The following KAZN variants were observed in gnomAD, a reference collection of about 807,000 sequenced individuals.
KAZN encodes the protein kazrin, periplakin interacting protein.
A neutral mutation model predicts 87.4 loss-of-function variants in KAZN; 40 were observed. The observed-to-expected ratio is 0.46, with a 90% CI of 0.36 to 0.60. KAZN has a LOEUF of 0.60. Ranked by LOEUF, KAZN falls within the 20% of genes least tolerant of loss-of-function variation. The pLI is 0.00. For synonymous variants in KAZN, 466 were observed against 458.3 expected (o/e 1.02, Z -0.22); for missense variants, 898 against 1,073.9 (o/e 0.84, Z 2.29).
intron 2 of KAZN, among the ~76,000 whole-genome samples, chr1:14,582,851 G>T (rs573142394): frequency 3.3e-5 from 5 of 152,102 alleles, no homozygotes; most frequent in Non-Finnish European, 7.4e-5. Flanking sequence ...TCAAAAACAC[G>T]CTCTTAAAGG....
At chr1:14,283,958 G>GGAA (rs199784144) in intron 2 of KAZN, among the ~76,000 whole-genome samples, 2 of 152,108 alleles carry the variant, frequency 1.3e-5, no homozygotes, top group East Asian at 3.9e-4. Flanking sequence ...CCTACAATGT[G>GGAA]GATGAGCCTC....
At chr1:15,050,165 GAATAGAATAGAATAGAATAGAATAGA>G (rs1674209957) in intron 4 of KAZN, among the ~76,000 whole-genome samples, 2 of 53,722 alleles carry the variant, frequency 3.7e-5, no homozygotes, top group Non-Finnish European at 7.9e-5. Context: ...GAATGGAATA[GAATAGAATAGAATAGAATAGAATAGA>G]ATAGAATAGA....
chr1:14,067,524 G>A (rs779639062), intron 1 of KAZN, among the ~76,000 whole-genome samples: 1 of 152,178 alleles, frequency 6.6e-6, no homozygotes, highest in Non-Finnish European at 1.5e-5. Context: ...CTAGACTGTG[G>A]GGAGGATGGG....
intron 2 of KAZN, among the ~76,000 whole-genome samples, chr1:14,543,569 A>T (rs1377479394): frequency 6.6e-6 from 1 of 152,208 alleles, no homozygotes. Flanking sequence ...CCTTCTTCAG[A>T]TGGAGGGGTC....
rs550146026 is a variant in KAZN at position 15,094,619 on chromosome 1, G to A, written c.1429-196G>A. Among the ~76,000 whole-genome samples, 4 of 152,298 alleles carry A rather than the reference G, an allele frequency of 2.6e-5. No homozygotes were observed. In the East Asian group the frequency reaches 7.7e-4, roughly 29 times the overall value. Reference sequence around the variant, plus strand: ...ACCCAGGTTTCCTTTACCTGCCTAAGGGAAAGGGCTCCCTCTGCCTGAACA... The same window carrying A: ...ACCCAGGTTTCCTTTACCTGCCTAAAGGAAAGGGCTCCCTCTGCCTGAACA... On this transcript the variant is annotated intron_variant, in intron 9 of 14. Coordinates refer to ENST00000376030, the MANE Select transcript of KAZN (RefSeq NM_201628.3). The surrounding 1 kb of genome is among the most constrained non-coding windows in gnomAD (Gnocchi z 4.5).
At chr1:15,113,529 A>C (rs1296962241) in intron 14 of KAZN, 1 of 152,252 alleles carries the variant, frequency 6.6e-6, no homozygotes, top group Non-Finnish European at 1.5e-5. Flanking sequence ...TGACTACTTT[A>C]ACACAGAGAT....
intron 2 of KAZN, among the ~76,000 whole-genome samples, chr1:14,489,268 A>G (rs200126239): frequency 9.0e-6 from 1 of 111,030 alleles, no homozygotes; most frequent in African/African-American, 3.3e-5. Context: ...GGGACTCTAT[A>G]TATCTATTAT....
intron 2 of KAZN, among the ~76,000 whole-genome samples, chr1:14,523,263 C>T (rs1356640874): frequency 6.6e-6 from 1 of 152,182 alleles, no homozygotes; most frequent in Admixed American, 6.5e-5. Context: ...GGGCAATAAA[C>T]TTTTCTTCAA....
chr1:14,935,490 G>A (rs955171802), intron 1 of KAZN, among the ~76,000 whole-genome samples: 6 of 148,714 alleles, frequency 4.0e-5, no homozygotes, highest in Non-Finnish European at 7.4e-5. Context: ...AGCAGTGCCC[G>A]AGAACATATT....
intron 2 of KAZN, among the ~76,000 whole-genome samples, chr1:15,032,350 G>C (rs4661312): frequency 4.0e-5 from 6 of 151,354 alleles, no homozygotes; most frequent in Admixed American, 6.6e-5. Context: ...CTGCCACTAC[G>C]CCCGGCTAAC....
At chr1:14,270,184 T>A (rs747512147) in intron 2 of KAZN, among the ~76,000 whole-genome samples, 1 of 152,198 alleles carries the variant, frequency 6.6e-6, no homozygotes, top group Non-Finnish European at 1.5e-5. Flanking sequence ...TGGACTAGCT[T>A]GAAGCATGTG....
chr1:15,036,130 C>T (rs189187300), intron 3 of KAZN, among the ~76,000 whole-genome samples: 5,956 of 152,118 alleles, frequency 0.039, 176 homozygotes, highest in Non-Finnish European at 0.058. Context: ...CTGGGCCAGG[C>T]CACCACAGCC....
intron 1 of KAZN, among the ~76,000 whole-genome samples, chr1:14,814,903 T>C (rs1646518735): frequency 1.3e-5 from 2 of 152,200 alleles, no homozygotes; most frequent in South Asian, 4.1e-4. Context: ...ATGCTGGAGA[T>C]GATTAATAAT....
intron 1 of KAZN, among the ~76,000 whole-genome samples, chr1:14,175,522 G>A (rs1326022318): frequency 6.6e-6 from 1 of 152,202 alleles, no homozygotes; most frequent in Admixed American, 6.5e-5. Flanking sequence ...TTAGAACAAA[G>A]CGAAACTTAG....
intron 2 of KAZN, among the ~76,000 whole-genome samples, chr1:14,467,250 A>C (rs994439230): frequency 6.6e-6 from 1 of 152,058 alleles, no homozygotes; most frequent in Non-Finnish European, 1.5e-5. Flanking sequence ...ATTTAGCATT[A>C]ATTTGAATTA....
chr1:14,993,062 A>G (rs975579387), intron 2 of KAZN, among the ~76,000 whole-genome samples: 1 of 151,318 alleles, frequency 6.6e-6, no homozygotes, highest in African/African-American at 2.4e-5. Flanking sequence ...CCTAGCCTCA[A>G]GCAATTTGCC....
At chr1:15,019,980 G>A (rs567085516) in intron 2 of KAZN, among the ~76,000 whole-genome samples, 28 of 152,058 alleles carry the variant, frequency 1.8e-4, no homozygotes, top group Middle Eastern at 3.2e-3. Flanking sequence ...CAGCGTTGTC[G>A]TGGCCTGTGC....
At chr1:14,369,568 G>A (rs1420029613) in intron 2 of KAZN, among the ~76,000 whole-genome samples, 1 of 152,212 alleles carries the variant, frequency 6.6e-6, no homozygotes, top group Non-Finnish European at 1.5e-5. Context: ...GGGCAGACTG[G>A]ACGGGACCTT....
chr1:14,370,573 GTGGTAAACC>G (rs2101014052), intron 2 of KAZN, among the ~76,000 whole-genome samples: 1 of 152,352 alleles, frequency 6.6e-6, no homozygotes, highest in African/African-American at 2.4e-5. Flanking sequence ...TTCCCTCTGA[GTGGTAAACC>G]TGTTGCCTCT....
Sources: allele counts gnomAD v4.1 joint callset (sites outside exome capture counted in the v4.1 genomes callset), GRCh38; gene constraint gnomAD v4.1.1; non-coding constraint Gnocchi (gnomAD v3.1); transcripts MANE v1.5; gene names NCBI Gene and HGNC (gene_info 2026-07-23, HGNC 2026-07-21).